GABRA4: variants seen among roughly 807,000 people sequenced by gnomAD.
The protein encoded by GABRA4 is gamma-aminobutyric acid type A receptor subunit alpha4.
Under a neutral mutation model 49.7 loss-of-function variants are expected in GABRA4, and 12 were observed. That is an observed-to-expected ratio of 0.24 (90% CI 0.15 to 0.39). The LOEUF is 0.39. Among genes scored for constraint, GABRA4 ranks in the 10% least tolerant of loss-of-function variants. The probability of loss-of-function intolerance (pLI) is 1.00; values close to 1 mark genes in which losing one functional copy is unlikely to be tolerated. For missense variants in GABRA4, 506 were observed against 686.0 expected (o/e 0.74, Z 2.93); for synonymous variants, 288 against 240.2 (o/e 1.20, Z -1.84).
At chr4:46,939,625 C>T (rs943208063) in intron 8 of GABRA4, among the ~76,000 whole-genome samples, 13 of 152,060 alleles carry the variant, frequency 8.5e-5, no homozygotes, top group South Asian at 2.1e-4. Context: ...AAAATACATG[C>T]TTATGAGATT....
At position 46,925,193 on chromosome 4, in the gene GABRA4, T is replaced by A. The variant is rs1239147701; in HGVS notation, c.*3032A>T. On this transcript the variant is annotated 3_prime_UTR_variant, in exon 9 of 9. Transcript: ENST00000264318. ...TTCCAACCCTGTGATTTTATCTTTG[T>A]CATGTAACTTCTCTGTGACTCATTT... The A allele has an allele frequency of 6.6e-6, 1 of 151,948 alleles. No homozygotes were observed. The highest frequency in any genetic ancestry group is 1.5e-5 in the Non-Finnish European group (1 of 67,896). The allele number at this position is 151,948 out of a possible 1,614,324, so 9.4% of individuals were successfully genotyped here.
intron 7 of GABRA4, 42 bp from the exon 8 acceptor site, chr4:46,965,271 A>G (rs750567537): frequency 7.3e-7 from 1 of 1,367,958 alleles, no homozygotes; most frequent in Admixed American, 2.8e-5. Flanking sequence ...CCTTACCATC[A>G]TTTGTATTAA....
chr4:46,966,620 A>G (rs1722761058), intron 7 of GABRA4, among the ~76,000 whole-genome samples: 1 of 151,690 alleles, frequency 6.6e-6, no homozygotes. Context: ...GCTAGGCACA[A>G]GATAAATGCA....
chr4:46,940,448 A>G (rs1721750864), intron 8 of GABRA4, among the ~76,000 whole-genome samples: 1 of 152,130 alleles, frequency 6.6e-6, no homozygotes, highest in Admixed American at 6.6e-5. Flanking sequence ...CAAATTATGT[A>G]TAAAGAAACT....
At chr4:46,967,354 C>A (rs1560476368) in intron 7 of GABRA4, among the ~76,000 whole-genome samples, 1 of 143,650 alleles carries the variant, frequency 7.0e-6, no homozygotes, top group Admixed American at 7.0e-5. Context: ...TTACTTTGAA[C>A]TTTTTTTTTT....
At chr4:46,947,087 C>T (rs1286671873) in intron 8 of GABRA4, among the ~76,000 whole-genome samples, 2 of 151,626 alleles carry the variant, frequency 1.3e-5, no homozygotes, top group Non-Finnish European at 2.9e-5. Flanking sequence ...ACATAGATTG[C>T]CAAATTGCAT....
At chr4:46,990,908 G>A (rs190682823) in intron 2 of GABRA4, among the ~76,000 whole-genome samples, 23 of 152,312 alleles carry the variant, frequency 1.5e-4, no homozygotes, top group Admixed American at 3.3e-4. Context: ...CTGGCCCGGC[G>A]CGGCTCACGC....
rs1334063016 is a variant in GABRA4 at position 46,920,802 on chromosome 4, T to A, written c.*7423A>T. 1 of 151,796 alleles carries A rather than the reference T, an allele frequency of 6.6e-6. No individual in the cohort carries two copies. The highest frequency in any genetic ancestry group is 1.5e-5 in the Non-Finnish European group (1 of 67,750). 9.4% of individuals were successfully genotyped at this position (151,796 alleles called of 1,614,324 possible). On this transcript the variant is annotated 3_prime_UTR_variant, in exon 9 of 9. Transcript: ENST00000264318. ...TGAAAACTAGATGAAATGTATACAG[T>A]AGAAAAATTAAAGAAGACTATAATT... is the stretch of plus-strand genomic sequence containing the variant.
At chr4:46,956,409 T>C (rs1216142070) in intron 8 of GABRA4, among the ~76,000 whole-genome samples, 4 of 152,098 alleles carry the variant, frequency 2.6e-5, no homozygotes, top group Admixed American at 6.6e-5. Context: ...AGAGGAATTT[T>C]GAGAATGATT....
At chr4:46,979,204 T>C in intron 2 of GABRA4, 106 bp from the exon 3 acceptor site, 1 of 670,910 alleles carries the variant, frequency 1.5e-6, no homozygotes, top group Non-Finnish European at 2.6e-6. Context: ...ATCATGTTTT[T>C]ACAAGCATCT....
In GABRA4 at chr4:46,921,452, G is replaced by A. The variant is rs758292191; in HGVS notation, c.*6773C>T. The A allele has an allele frequency of 6.6e-6, 1 of 152,008 alleles. No homozygotes were observed. Among genetic ancestry groups the A allele is most frequent in the Non-Finnish European group, 1.5e-5 (1 of 67,944 alleles). The allele number at this position is 152,008 out of a possible 1,614,324, so 9.4% of individuals were successfully genotyped here. A position where few individuals can be genotyped will look rare whatever the true frequency, so the allele number is the denominator to read the frequency against. ...TCCCCTATAGAAACTAAAGAAGCTT[G>A]CAGAAATACTACCAAGGAAAATGTA... On this transcript the variant is annotated 3_prime_UTR_variant, in exon 9 of 9. Coordinates refer to ENST00000264318, the MANE Select transcript of GABRA4 (RefSeq NM_000809.4).
At position 46,928,553 on chromosome 4, in the gene GABRA4, G is replaced by C. The variant is rs537681473; in HGVS notation, c.1337C>G (p.Ser446Cys). 21 of 1,613,716 alleles carry C rather than the reference G, an allele frequency of 1.3e-5. No individual in the cohort carries two copies. In the South Asian group the frequency reaches 2.2e-4, roughly 17 times the overall value. ...AGCAGATGGAAGTGCTCTTGCTGCA[G>C]ATATGGTTTCAGCTGCATTTGCACG... ...FSRANAAETI[S>C]AARALPSASP... Residue 446 changes from serine (S) to cysteine (C), a missense_variant, in exon 9 of 9, where the codon TCT becomes TGT. By Grantham distance (112) the Ser-to-Cys change is moderately radical (BLOSUM62 -1). This residue lies in a region of GABRA4 where 243 missense variants were observed against 210.8 expected (regional missense o/e 1.15). Coordinates refer to ENST00000264318, the MANE Select transcript of GABRA4 (RefSeq NM_000809.4).
In GABRA4 at chr4:46,927,626, T is replaced by C. The variant is rs1367780131; in HGVS notation, c.*599A>G. 6 of 152,646 alleles carry C rather than the reference T, an allele frequency of 3.9e-5. No individual in the cohort carries two copies. The highest frequency in any genetic ancestry group is 1.4e-4 in the African/African-American group (6 of 41,462). The allele number at this position is 152,646 out of a possible 1,614,324, so 9.5% of individuals were successfully genotyped here. On this transcript the variant is annotated 3_prime_UTR_variant, in exon 9 of 9. Coordinates refer to ENST00000264318, the MANE Select transcript of GABRA4 (RefSeq NM_000809.4). ...AAATTTCAAGTCAACTGTTAAGTAC[T>C]GTTTAGCCAACATAAGAAAGGGAAG...
intron 8 of GABRA4, among the ~76,000 whole-genome samples, chr4:46,950,567 C>T (rs1722133246): frequency 1.3e-5 from 2 of 151,826 alleles, no homozygotes; most frequent in African/African-American, 4.8e-5. Context: ...TTTCTAATGG[C>T]TCAACCTAAT....
intron 8 of GABRA4, among the ~76,000 whole-genome samples, chr4:46,962,729 A>C (rs1047691455): frequency 9.9e-5 from 15 of 151,944 alleles, no homozygotes; most frequent in Admixed American, 9.2e-4. Context: ...TGTAATAATC[A>C]AAACAACATG....
intron 8 of GABRA4, among the ~76,000 whole-genome samples, chr4:46,939,870 T>C (rs1341176212): frequency 6.6e-6 from 1 of 152,034 alleles, no homozygotes; most frequent in Non-Finnish European, 1.5e-5. Flanking sequence ...CCATTCATAA[T>C]ATTCTTTCTA....
At position 46,921,698 on chromosome 4, in the gene GABRA4, CAT is replaced by C. The variant is rs1721042482; in HGVS notation, c.*6525_*6526del. ...CCTGGTCTATTGGAAGTGCAAATAA[CAT>C]ATGGTGACTCAGTTAAAGGTGGTGA... On this transcript the variant is annotated 3_prime_UTR_variant, in exon 9 of 9. Transcript: ENST00000264318. 6.6e-6 allele frequency: 1 copy of C among 151,820 alleles called. No homozygotes were observed. The highest frequency in any genetic ancestry group is 2.1e-4 in the South Asian group (1 of 4,820). 9.4% of individuals were successfully genotyped at this position (151,820 alleles called of 1,614,324 possible). A position where few individuals can be genotyped will look rare whatever the true frequency, so the allele number is the denominator to read the frequency against.
rs146923496 is a variant in GABRA4, at chr4:46,972,193, G to A, written c.722-958C>T. Among the ~76,000 whole-genome samples, 911 of 151,608 alleles carry A rather than the reference G, an allele frequency of 6.0e-3. 12 individuals are homozygous for A. Among genetic ancestry groups the A allele is most frequent in the African/African-American group, 0.021 (873 of 41,446 alleles). On this transcript the variant is annotated intron_variant, in intron 6 of 8. Transcript: ENST00000264318. ...TACTGTATTGTTTCATAATTGATGT[G>A]AAGAAGGTTTCCTCAAAATGATAAT...
chr4:46,990,320 C>T (rs1230819338), intron 2 of GABRA4, among the ~76,000 whole-genome samples: 3 of 152,092 alleles, frequency 2.0e-5, no homozygotes, highest in Non-Finnish European at 4.4e-5. Flanking sequence ...AATAGAATTA[C>T]GATTAACCAA....
Sources: allele counts gnomAD v4.1 joint callset (sites outside exome capture counted in the v4.1 genomes callset), GRCh38; gene constraint gnomAD v4.1.1; regional missense constraint gnomAD v4.1.1; transcripts MANE v1.5; gene names NCBI Gene and HGNC (gene_info 2026-07-23, HGNC 2026-07-21).